Variants in CIMAP3 observed in about 807,000 individuals in gnomAD.
CIMAP3 encodes ciliary microtubule-associated protein 3.
chr1:111,340,444 C>T, the CIMAP3 span, among the ~76,000 whole-genome samples: 557 of 152,016 alleles, frequency 3.7e-3, 6 homozygotes, highest in African/African-American at 0.012. Context: ...AGAAAATTTT[C>T]GCAACCTACT....
At chr1:111,350,335 C>A in the CIMAP3 span, 1 of 823,922 alleles carries the variant, frequency 1.2e-6, no homozygotes, top group Non-Finnish European at 1.9e-6. Flanking sequence ...TCCTTGGTCC[C>A]AAAAAATTAT....
chr1:111,349,043 G>A, the CIMAP3 span: 1 of 159,992 alleles, frequency 6.3e-6, no homozygotes, highest in Non-Finnish European at 1.4e-5. Flanking sequence ...AGTAAAAGGG[G>A]GCCTATTAAT....
chr1:111,346,472 T>G, the CIMAP3 span: 5 of 807,914 alleles, frequency 6.2e-6, no homozygotes, highest in South Asian at 9.0e-5. Context: ...TACAATCCCC[T>G]GGGCTTTGGG....
At chr1:111,330,053 A>T in the CIMAP3 span, among the ~76,000 whole-genome samples, 2 of 151,854 alleles carry the variant, frequency 1.3e-5, no homozygotes, top group Non-Finnish European at 2.9e-5. Context: ...GTTCTTTTTT[A>T]TACCAGATAT....
chr1:111,327,827 A>AT, the CIMAP3 span, among the ~76,000 whole-genome samples: 42,380 of 150,316 alleles, frequency 0.28, 6,555 homozygotes, highest in South Asian at 0.42. Context: ...GATTTTTTGA[A>AT]TTTTTTTTTG....
chr1:111,333,313 G>T, the CIMAP3 span, among the ~76,000 whole-genome samples: 2 of 152,318 alleles, frequency 1.3e-5, no homozygotes, highest in East Asian at 3.9e-4. Context: ...ACCAGTGGAA[G>T]CTTGTGGAAT....
chr1:111,351,128 G>GCCTT, the CIMAP3 span: 1 of 767,554 alleles, frequency 1.3e-6, no homozygotes, highest in African/African-American at 1.8e-5. Flanking sequence ...ACTAAGGCTA[G>GCCTT]ATTACTATGG....
the CIMAP3 span, chr1:111,352,983 A>G: frequency 2.6e-5 from 4 of 152,362 alleles, no homozygotes; most frequent in Admixed American, 2.0e-4. Context: ...TACATTGTAT[A>G]TAAAAGTAAT....
chr1:111,326,772 A>G, the CIMAP3 span, among the ~76,000 whole-genome samples: 2 of 152,092 alleles, frequency 1.3e-5, no homozygotes, highest in Non-Finnish European at 2.9e-5. Flanking sequence ...AGTCTTTTTA[A>G]TAATAGCCAT....
the CIMAP3 span, among the ~76,000 whole-genome samples, chr1:111,347,444 C>T: frequency 6.6e-6 from 1 of 151,720 alleles, no homozygotes; most frequent in Non-Finnish European, 1.5e-5. Flanking sequence ...GTCTACGTAT[C>T]CAGCCACACC....
chr1:111,348,840 A>T, the CIMAP3 span: 2 of 527,264 alleles, frequency 3.8e-6, no homozygotes. Context: ...TACTCATTCA[A>T]TGAATTTTTA....
the CIMAP3 span, among the ~76,000 whole-genome samples, chr1:111,347,958 C>T: frequency 7.9e-5 from 12 of 152,280 alleles, no homozygotes; most frequent in African/African-American, 2.4e-4. Flanking sequence ...TGCAAATATG[C>T]GTGTGAGTGT....
At chr1:111,350,092 A>G in the CIMAP3 span, 1 of 1,597,360 alleles carries the variant, frequency 6.3e-7, no homozygotes, top group Non-Finnish European at 8.6e-7. Flanking sequence ...TGATGCTTGT[A>G]TTTTTATTTC....
chr1:111,347,622 C>CTTTTTTTTTTTTTTTTGTTTT, the CIMAP3 span: 1 of 809,740 alleles, frequency 1.2e-6, no homozygotes, highest in Admixed American at 2.6e-5. Flanking sequence ...TTTTTTCTTT[C>CTTTTTTTTTTTTTTTTGTTTT]TTTTTTTTTT....
the CIMAP3 span, among the ~76,000 whole-genome samples, chr1:111,339,272 G>A: frequency 6.6e-6 from 1 of 151,378 alleles, no homozygotes; most frequent in East Asian, 1.9e-4. Context: ...AAAACTGGAA[G>A]CATTCCCTTT....
chr1:111,350,350 A>G, the CIMAP3 span: 3 of 723,700 alleles, frequency 4.1e-6, no homozygotes, highest in Non-Finnish European at 4.7e-6. Context: ...AATTATATGC[A>G]CAATTTTGTG....
chr1:111,325,498 G>C, the CIMAP3 span, among the ~76,000 whole-genome samples: 4 of 152,124 alleles, frequency 2.6e-5, no homozygotes. Context: ...CTCCAGAATA[G>C]AGATCTCTAT....
At chr1:111,348,664 T>C in the CIMAP3 span, 4 of 1,556,056 alleles carry the variant, frequency 2.6e-6, no homozygotes, top group Non-Finnish European at 3.5e-6. Flanking sequence ...TCCTCCCTTT[T>C]GGTGCACTTC....
chr1:111,343,183 C>G, the CIMAP3 span, among the ~76,000 whole-genome samples: 19 of 151,978 alleles, frequency 1.3e-4, no homozygotes, highest in Non-Finnish European at 2.5e-4. Flanking sequence ...CATTTAATTT[C>G]TTAAATATGG....
Sources: gnomAD v4.1 joint callset for allele counts (sites outside exome capture counted in the v4.1 genomes callset) on GRCh38, gnomAD v4.1.1 for gene constraint, MANE v1.5 for transcripts, NCBI Gene and HGNC (gene_info 2026-07-23, HGNC 2026-07-21) for gene names.